The following SORCS1 variants were observed in gnomAD, a reference collection of about 807,000 sequenced individuals.
The protein encoded by SORCS1 is sortilin related VPS10 domain containing receptor 1.
Under a neutral mutation model 146.1 loss-of-function variants are expected in SORCS1, and 60 were observed. The ratio of observed to expected loss-of-function variants is 0.41; its 90% CI spans 0.33 to 0.51. The LOEUF is 0.51. Ranked by LOEUF, SORCS1 falls within the 20% of genes least tolerant of loss-of-function variation. The pLI, the probability that SORCS1 is intolerant of heterozygous loss-of-function variation, is 0.21. For synonymous variants in SORCS1, 637 were observed against 584.0 expected, an observed-to-expected ratio of 1.09 and a Z score of -1.31; for missense variants, 1,352 against 1,487.6, an observed-to-expected ratio of 0.91 and a Z score of 1.50.
At chr10:106,986,582 C>G (rs970132661) in intron 1 of SORCS1, among the ~76,000 whole-genome samples, 3 of 151,680 alleles carry the variant, frequency 2.0e-5, no homozygotes, top group Non-Finnish European at 4.4e-5. Flanking sequence ...TACCCCATCT[C>G]TCTCTTTCCT....
chr10:106,857,618 G>C (rs183975690), intron 2 of SORCS1, among the ~76,000 whole-genome samples: 1 of 152,312 alleles, frequency 6.6e-6, no homozygotes, highest in African/African-American at 2.4e-5. Flanking sequence ...TAATAACTTA[G>C]GATGCATGAG....
intron 10 of SORCS1, among the ~76,000 whole-genome samples, chr10:106,680,699 A>G (rs1402278168): frequency 6.6e-6 from 1 of 152,206 alleles, no homozygotes; most frequent in African/African-American, 2.4e-5. Context: ...GTCAAAAAAT[A>G]TAAGTTTGTG....
intron 1 of SORCS1, among the ~76,000 whole-genome samples, chr10:106,986,265 TA>T (rs1410165790): frequency 6.6e-6 from 1 of 152,024 alleles, no homozygotes; most frequent in Non-Finnish European, 1.5e-5. Context: ...TACACATACA[TA>T]TGTACAGCAA....
At chr10:106,719,515 C>A (rs1375605720) in intron 6 of SORCS1, among the ~76,000 whole-genome samples, 1 of 151,602 alleles carries the variant, frequency 6.6e-6, no homozygotes, top group East Asian at 1.9e-4. Context: ...CAGGTTCAAG[C>A]GATTCTCCTG....
rs185817463 is a variant in SORCS1, at chr10:107,061,413, A to T, written c.558+102556T>A. On this transcript the variant is annotated intron_variant, in intron 1 of 25. Coordinates refer to ENST00000263054, the MANE Select transcript of SORCS1 (RefSeq NM_052918.5). The stretch of plus-strand genomic sequence containing the variant: ...TTCTAGTAATAGTTTAAAAATTTAG[A>T]ACACACTATTTTGTAGTAAAAGAGA... Among the ~76,000 whole-genome samples, 11 of 152,296 alleles carry T rather than the reference A, an allele frequency of 7.2e-5. No individual in the cohort carries two copies. The East Asian group carries it at 2.1e-3, about 29-fold the overall frequency.
intron 6 of SORCS1, among the ~76,000 whole-genome samples, chr10:106,722,088 C>G (rs1035985401): frequency 6.7e-6 from 1 of 148,202 alleles, no homozygotes; most frequent in East Asian, 2.0e-4. Flanking sequence ...TAAGCCTAAA[C>G]AATTTCTGGA....
chr10:106,653,343 C>G (rs1025468369), intron 17 of SORCS1, among the ~76,000 whole-genome samples: 8 of 152,276 alleles, frequency 5.3e-5, no homozygotes, highest in Non-Finnish European at 1.0e-4. Context: ...GCAGCAACCA[C>G]TTTATGTATG....
At position 106,577,007 on chromosome 10, in the gene SORCS1, A is replaced by C; in HGVS notation, c.*413T>G. 1 of 285,032 alleles carries C rather than the reference A, an allele frequency of 3.5e-6. No individual in the cohort carries two copies. Among genetic ancestry groups the C allele is most frequent in the South Asian group, 3.7e-5 (1 of 27,094 alleles). 17.7% of individuals were successfully genotyped at this position (285,032 alleles called of 1,614,324 possible). A position where few individuals can be genotyped will look rare whatever the true frequency, so the allele number is the denominator to read the frequency against. On this transcript the variant is annotated 3_prime_UTR_variant, in exon 26 of 26. Coordinates refer to ENST00000263054, the MANE Select transcript of SORCS1 (RefSeq NM_052918.5). Reference sequence around the variant, plus strand: ...AAAGAGGGAGAGGGGAGTGTTTTCCATTAAAATAGAGCACCTGTACACTGC... The same window carrying C: ...AAAGAGGGAGAGGGGAGTGTTTTCCCTTAAAATAGAGCACCTGTACACTGC...
chr10:106,593,463 C>A (rs931486501), intron 24 of SORCS1, among the ~76,000 whole-genome samples: 2 of 152,126 alleles, frequency 1.3e-5, no homozygotes, highest in African/African-American at 4.8e-5. Flanking sequence ...AGCTCTAATG[C>A]GTTATGACCA....
intron 21 of SORCS1, among the ~76,000 whole-genome samples, chr10:106,613,459 C>T (rs574619673): frequency 2.0e-5 from 3 of 152,152 alleles, no homozygotes; most frequent in Non-Finnish European, 2.9e-5. Context: ...GAGTCCCCTG[C>T]GTTCCAGGAA....
At chr10:106,811,083 G>A (rs940857095) in intron 3 of SORCS1, among the ~76,000 whole-genome samples, 2 of 151,956 alleles carry the variant, frequency 1.3e-5, no homozygotes, top group African/African-American at 4.8e-5. Flanking sequence ...GGGATTACAG[G>A]CGCCTACCAC....
chr10:106,770,471 A>T (rs1437040482), intron 4 of SORCS1, among the ~76,000 whole-genome samples: 4 of 123,488 alleles, frequency 3.2e-5, no homozygotes, highest in Non-Finnish European at 6.9e-5. Context: ...TACTTTTTTC[A>T]AAAAATCGCA....
intron 19 of SORCS1, among the ~76,000 whole-genome samples, chr10:106,622,462 CATT>C (rs1847816935): frequency 6.6e-6 from 1 of 152,038 alleles, no homozygotes; most frequent in Admixed American, 6.5e-5. Flanking sequence ...GTTTCTAAGA[CATT>C]ATAGATGCTC....
At chr10:106,818,911 C>T (rs1947876824) in intron 3 of SORCS1, among the ~76,000 whole-genome samples, 1 of 152,184 alleles carries the variant, frequency 6.6e-6, no homozygotes, top group African/African-American at 2.4e-5. Flanking sequence ...ACATAGCTAT[C>T]ATGATACATA....
At chr10:106,806,690 T>C (rs1337451095) in intron 3 of SORCS1, among the ~76,000 whole-genome samples, 1 of 151,614 alleles carries the variant, frequency 6.6e-6, no homozygotes, top group Non-Finnish European at 1.5e-5. Flanking sequence ...TAATTTTTCG[T>C]ATTTTTAGTA....
rs922541154 is a variant in SORCS1, at chr10:107,152,026, C to T, written c.558+11943G>A. ...ATGCTTTAGTGGACCAGGCCCAGAA[C>T]CCACTGCTCTGTGCAGCCTCAGGAT... On this transcript the variant is annotated intron_variant, in intron 1 of 25. Transcript: ENST00000263054. 7.2e-5 allele frequency among the ~76,000 whole-genome samples: 11 copies of T among 152,278 alleles called. No homozygotes were observed. The South Asian group carries it at 2.3e-3, about 32-fold the overall frequency.
At chr10:106,926,868 G>C (rs11193112) in intron 2 of SORCS1, among the ~76,000 whole-genome samples, 557 of 43,434 alleles carry the variant, frequency 0.013, 4 homozygotes, top group African/African-American at 0.031. Context: ...CACACACACA[G>C]AGAGAGAGAG....
At chr10:106,700,028 A>G (rs1854018295) in intron 8 of SORCS1, among the ~76,000 whole-genome samples, 1 of 152,180 alleles carries the variant, frequency 6.6e-6, no homozygotes, top group Non-Finnish European at 1.5e-5. Flanking sequence ...CACCAGAGAA[A>G]CCCAAAGTAC....
At chr10:106,995,748 G>A (rs1018105491) in intron 1 of SORCS1, among the ~76,000 whole-genome samples, 21 of 152,064 alleles carry the variant, frequency 1.4e-4, no homozygotes, top group Admixed American at 7.2e-4. Context: ...GGTAGTGACA[G>A]TAGCAGCAAC....
Sources: allele counts gnomAD v4.1 joint callset (sites outside exome capture counted in the v4.1 genomes callset), GRCh38; gene constraint gnomAD v4.1.1; transcripts MANE v1.5; gene names NCBI Gene and HGNC (gene_info 2026-07-23, HGNC 2026-07-21).